Variants in CHD9 observed in about 807,000 individuals in gnomAD.
The protein encoded by CHD9 is chromodomain helicase DNA binding protein 9.
A neutral mutation model predicts 316.1 loss-of-function variants in CHD9; 77 were observed. That is an observed-to-expected ratio of 0.24 (90% CI 0.20 to 0.29). CHD9 has a LOEUF of 0.29. Among genes scored for constraint, CHD9 ranks in the 10% least tolerant of loss-of-function variants. The pLI is 1.00. For missense variants in CHD9, 2,763 were observed against 3,438.1 expected (o/e 0.80, Z 4.91); for synonymous variants, 1,129 against 1,158.3 (o/e 0.97, Z 0.51).
In CHD9 at chr16:53,157,450, C is replaced by T. The variant is rs759670526; in HGVS notation, c.1361C>T (p.Thr454Ile). 22 of 1,613,996 alleles carry T rather than the reference C, an allele frequency of 1.4e-5. No homozygotes were observed. The highest frequency in any genetic ancestry group is 1.8e-5 in the Non-Finnish European group (21 of 1,179,894). The change falls in exon 2 of 39, where the codon ACT becomes ATT. Residue 454 changes from threonine to isoleucine, a missense_variant. By Grantham distance (89) the Thr-to-Ile change is moderately conservative. Around this residue, in one of 15 missense-constraint regions of CHD9, gnomAD observed 859 missense variants for 890.4 expected, o/e 0.96. Coordinates refer to ENST00000447540, the MANE Select transcript of CHD9 (RefSeq NM_001308319.2). The part of the protein sequence containing the change: ...LVTRPSDMAQ[T>I]QLQSQARSWH... ...ACACGGCCTTCTGATATGGCTCAGACTCAGTTGCAAAGTCAGGCTCGGAGT... is the reference window on the plus strand; with the variant it reads ...ACACGGCCTTCTGATATGGCTCAGATTCAGTTGCAAAGTCAGGCTCGGAGT...
intron 19 of CHD9, among the ~76,000 whole-genome samples, chr16:53,256,381 C>CTTTTTTTTTTTTTTTTTTTTTTTT (rs1163977563): frequency 1.0e-5 from 1 of 99,260 alleles, no homozygotes; most frequent in African/African-American, 4.1e-5. Context: ...TTTTTCTTTT[C>CTTTTTTTTTTTTTTTTTTTTTTTT]TTTTTTTTTT....
intron 2 of CHD9, among the ~76,000 whole-genome samples, chr16:53,176,019 G>A (rs1215888041): frequency 6.6e-6 from 1 of 152,190 alleles, no homozygotes; most frequent in East Asian, 1.9e-4. Context: ...CTACAACCAT[G>A]TATCAGTTTC....
chr16:53,201,093 C>G (rs2045415668), intron 2 of CHD9, among the ~76,000 whole-genome samples: 1 of 152,130 alleles, frequency 6.6e-6, no homozygotes, highest in Admixed American at 6.6e-5. Flanking sequence ...GGCTGGCTGG[C>G]TCAAAAACCC....
At chr16:53,069,545 C>T (rs1272545844) in intron 1 of CHD9, among the ~76,000 whole-genome samples, 2 of 152,154 alleles carry the variant, frequency 1.3e-5, no homozygotes, top group Non-Finnish European at 2.9e-5. Flanking sequence ...TAGTGACTGG[C>T]TTATTTCACT....
intron 32 of CHD9, among the ~76,000 whole-genome samples, chr16:53,306,750 C>T (rs556093526): frequency 6.6e-6 from 1 of 152,138 alleles, no homozygotes; most frequent in African/African-American, 2.4e-5. Context: ...AATACATGTA[C>T]ATTCAGTGGA....
chr16:53,300,521 A>G (rs531816289), intron 30 of CHD9, among the ~76,000 whole-genome samples: 20 of 152,376 alleles, frequency 1.3e-4, no homozygotes, highest in African/African-American at 4.8e-4. Flanking sequence ...GCATTAAAAA[A>G]TGAACATATC....
chr16:53,314,377 G>T lies in CHD9; in HGVS notation c.7223G>T (p.Gly2408Val), dbSNP rs1449658939. The change falls in exon 35 of 39, where the codon GGT (glycine) becomes GTT (valine). Residue 2408 changes from glycine (G) to valine (V), a missense_variant and splice_region_variant. By Grantham distance (109) the Gly-to-Val change is moderately radical. Around this residue, in one of 15 missense-constraint regions of CHD9, gnomAD observed 663 missense variants for 751.2 expected, o/e 0.88. Transcript: ENST00000447540. ...VNFPKSIPVSGTSIQPTLGAN... is the reference protein window; with the variant it reads ...VNFPKSIPVSVTSIQPTLGAN... ...CATTTTGCATTTTTAATTCAATTAG[G>T]TACTTCCATTCAACCAACCCTTGGT... 1.3e-6 allele frequency: 2 copies of T among 1,556,852 alleles called. No homozygotes were observed. The highest frequency in any genetic ancestry group is 2.7e-5 in the African/African-American group (2 of 72,934).
intron 1 of CHD9, among the ~76,000 whole-genome samples, chr16:53,126,217 GT>G (rs2038962643): frequency 6.6e-6 from 1 of 152,066 alleles, no homozygotes; most frequent in Non-Finnish European, 1.5e-5. Context: ...TTGGTTTATT[GT>G]TTTGTGTGGT....
chr16:53,108,597 G>A (rs371618344), intron 1 of CHD9, among the ~76,000 whole-genome samples: 96 of 151,896 alleles, frequency 6.3e-4, no homozygotes, highest in African/African-American at 1.8e-3. Context: ...GTGTGGGGCC[G>A]GGCGCGGTGG....
At position 53,296,777 on chromosome 16, in the gene CHD9, G is replaced by A. The variant is rs376093966; in HGVS notation, c.5511-179G>A. On this transcript the variant is annotated intron_variant, in intron 29 of 38. Transcript: ENST00000447540. ...AGTAAATTTTTCTAAAAAAAAGTATGGTTGGATAGATGAGTTAACTAGCAT... is the reference window on the plus strand; with the variant it reads ...AGTAAATTTTTCTAAAAAAAAGTATAGTTGGATAGATGAGTTAACTAGCAT... Among the ~76,000 whole-genome samples, 11 of 152,224 alleles carry A rather than the reference G, an allele frequency of 7.2e-5. No individual in the cohort carries two copies. In the South Asian group the frequency reaches 1.7e-3, roughly 23 times the overall value.
At position 53,294,223 on chromosome 16, in the gene CHD9, G is replaced by T. The variant is rs143760634; in HGVS notation, c.5510+1171G>T. Among the ~76,000 whole-genome samples the T allele has an allele frequency of 1.7e-3, 263 of 152,210 alleles. 1 individual carries two copies. The highest frequency in any genetic ancestry group is 5.7e-3 in the African/African-American group (236 of 41,536). Reference sequence around the variant, plus strand: ...ACATGGAAAAGAATAGCTATCTTTGGCATAACCTGACTTCCTTGTTACCCG... The same window carrying T: ...ACATGGAAAAGAATAGCTATCTTTGTCATAACCTGACTTCCTTGTTACCCG... On this transcript the variant is annotated intron_variant, in intron 29 of 38. Transcript: ENST00000447540.
intron 19 of CHD9, among the ~76,000 whole-genome samples, chr16:53,256,795 A>C (rs1437526076): frequency 1.3e-5 from 2 of 151,788 alleles, no homozygotes; most frequent in African/African-American, 2.4e-5. Flanking sequence ...TCCTTTCTAC[A>C]TTTCCCTTCT....
At chr16:53,175,539 C>T (rs1387896795) in intron 2 of CHD9, among the ~76,000 whole-genome samples, 3 of 152,146 alleles carry the variant, frequency 2.0e-5, no homozygotes, top group Admixed American at 6.5e-5. Context: ...TGGCCCTAAT[C>T]GGAAGACATA....
chr16:53,110,478 T>G (rs1184132255), intron 1 of CHD9, among the ~76,000 whole-genome samples: 1 of 152,256 alleles, frequency 6.6e-6, no homozygotes, highest in African/African-American at 2.4e-5. Flanking sequence ...GCTGCTTTCA[T>G]GGGCTGGCAC....
intron 13 of CHD9, among the ~76,000 whole-genome samples, chr16:53,244,198 T>C (rs1035999704): frequency 6.0e-5 from 9 of 149,354 alleles, no homozygotes; most frequent in East Asian, 5.8e-4. Context: ...ATTTCTTTTT[T>C]TTTTTTTTTT....
intron 38 of CHD9, 40 bp downstream of exon 38, chr16:53,321,670 A>G: frequency 9.7e-6 from 10 of 1,029,218 alleles, no homozygotes; most frequent in Non-Finnish European, 1.4e-5. Flanking sequence ...ATTATTTTCA[A>G]ATTAGGTGCC....
chr16:53,215,926 T>C (rs2046722311), intron 3 of CHD9, among the ~76,000 whole-genome samples: 2 of 152,218 alleles, frequency 1.3e-5, no homozygotes, highest in South Asian at 4.1e-4. Context: ...AATTCATACT[T>C]TAGTTTGAAA....
chr16:53,249,890 G>A lies in CHD9; in HGVS notation c.3685G>A (p.Asp1229Asn). 1 of 1,612,954 alleles carries A rather than the reference G, an allele frequency of 6.2e-7. No homozygotes were observed. Among genetic ancestry groups the A allele is most frequent in the African/African-American group, 1.3e-5 (1 of 75,002 alleles). The change falls in exon 17 of 39, where the codon GAT becomes AAT. Residue 1229 changes from aspartate (D) to asparagine (N), a missense_variant. Physicochemically the swap from Asp to Asn is conservative, Grantham distance 23. Coordinates refer to ENST00000447540, the MANE Select transcript of CHD9 (RefSeq NM_001308319.2). The stretch of plus-strand genomic sequence containing the variant: ...CCATAGATACTTATATGAGCGAATT[G>A]ATGGCAGAGTCAGAGGAAATCTTCG... ...IHKRYLYERI[D>N]GRVRGNLRQA...
chr16:53,229,214 T>G, intron 8 of CHD9, 114 bp downstream of exon 8: 1 of 534,466 alleles, frequency 1.9e-6, no homozygotes, highest in Non-Finnish European at 3.3e-6. Context: ...GATATTTGAA[T>G]ACAAATGCTA....
Sources: allele counts gnomAD v4.1 joint callset (sites outside exome capture counted in the v4.1 genomes callset), GRCh38; gene constraint gnomAD v4.1.1; regional missense constraint gnomAD v4.1.1; transcripts MANE v1.5; gene names NCBI Gene and HGNC (gene_info 2026-07-23, HGNC 2026-07-21).